Variants in CLDN2 observed in about 807,000 individuals in gnomAD.
CLDN2 encodes claudin-2.
Under a neutral mutation model 8.2 loss-of-function variants are expected in CLDN2, and 1 was observed. The ratio of observed to expected loss-of-function variants is 0.12; its 90% confidence interval spans 0.04 to 0.58. The LOEUF (loss-of-function observed/expected upper bound fraction) is 0.58, where lower values mean the gene tolerates loss of function less well. Ranked by LOEUF, CLDN2 falls within the 20% of genes least tolerant of loss-of-function variation. The probability of loss-of-function intolerance (pLI) is 0.90; values close to 1 mark genes in which losing one functional copy is unlikely to be tolerated. For synonymous variants in CLDN2, 70 were observed against 70.2 expected (o/e 1.00, Z 0.01); for missense variants, 108 against 172.9 (o/e 0.62, Z 2.11).
chrX:106,907,144 A>G (rs1933190201), intron 1 of CLDN2, among the ~76,000 whole-genome samples: 1 of 111,512 alleles, frequency 9.0e-6, no homozygotes, highest in East Asian at 2.8e-4. Flanking sequence ...TCTGGGTGGC[A>G]AAAGACACTA....
chrX:106,903,009 G>A (rs140960200), intron 1 of CLDN2: 1 of 697,169 alleles, frequency 1.4e-6, no homozygotes, highest in Non-Finnish European at 2.2e-6. Flanking sequence ...GAGGAGGGAG[G>A]GCTATGAGGC....
At chrX:106,920,902 G>A (rs1332925872) in intron 1 of CLDN2, among the ~76,000 whole-genome samples, 3 of 111,724 alleles carry the variant, frequency 2.7e-5, no homozygotes, top group East Asian at 2.8e-4. Flanking sequence ...AGTGGCAGAA[G>A]GGGCACTCCC....
intron 1 of CLDN2, among the ~76,000 whole-genome samples, chrX:106,908,948 A>G (rs1229930638): frequency 8.9e-6 from 1 of 111,794 alleles, no homozygotes; most frequent in South Asian, 3.7e-4. Flanking sequence ...AGTGCTGCTC[A>G]TGTCATTGTC....
At chrX:106,914,161 G>A (rs763203140), upstream of CLDN2, among the ~76,000 whole-genome samples, 2 of 109,082 alleles carry the variant, frequency 1.8e-5, no homozygotes, top group African/African-American at 3.3e-5. Context: ...ATGTTGCCCA[G>A]GGTAGTCTCA....
chrX:106,927,268 T>C (rs1933482476), intron 1 of CLDN2, among the ~76,000 whole-genome samples: 1 of 110,899 alleles, frequency 9.0e-6, no homozygotes, highest in Non-Finnish European at 1.9e-5. Context: ...CCCTATATTC[T>C]AGAGCAGTTT....
At chrX:106,916,693 T>C (rs959675687), upstream of CLDN2, among the ~76,000 whole-genome samples, 29 of 111,185 alleles carry the variant, frequency 2.6e-4, no homozygotes, top group Admixed American at 2.4e-3. Flanking sequence ...CTTAAACAAT[T>C]GGCTTTCTCA....
chrX:106,904,264 C>CA (rs1933150205), intron 1 of CLDN2, among the ~76,000 whole-genome samples: 1 of 113,174 alleles, frequency 8.8e-6, no homozygotes, highest in South Asian at 3.6e-4. Context: ...GAGGCCTGAG[C>CA]ACAGTCCTCG....
At chrX:106,907,321 C>G (rs1307264284) in intron 1 of CLDN2, among the ~76,000 whole-genome samples, 1 of 112,065 alleles carries the variant, frequency 8.9e-6, no homozygotes, top group Admixed American at 9.5e-5. Context: ...GTCCACAGAA[C>G]AGGCTGGTAT....
chrX:106,915,331 C>T (rs1185263549), upstream of CLDN2, among the ~76,000 whole-genome samples: 1 of 112,125 alleles, frequency 8.9e-6, no homozygotes, highest in Non-Finnish European at 1.9e-5. Context: ...GACCCATTGA[C>T]AGAATGTGCT....
chrX:106,903,438 G>T, intron 1 of CLDN2: 1 of 549,443 alleles, frequency 1.8e-6, no homozygotes, highest in Non-Finnish European at 2.7e-6. Context: ...GGGGGATAAA[G>T]ATTTAGGGAA....
At chrX:106,909,965 G>C (rs185460420) in intron 1 of CLDN2, among the ~76,000 whole-genome samples, 2 of 111,402 alleles carry the variant, frequency 1.8e-5, no homozygotes, top group East Asian at 5.7e-4. Context: ...AAGAAGGTGG[G>C]CAGGAGGGAG....
upstream of CLDN2, among the ~76,000 whole-genome samples, chrX:106,915,094 A>G (rs1933295498): frequency 8.9e-6 from 1 of 112,363 alleles, no homozygotes; most frequent in Non-Finnish European, 1.9e-5. Context: ...AGAATGTCAT[A>G]TAAATAGAAC....
intron 1 of CLDN2, chrX:106,901,581 T>C (rs375779868): frequency 8.7e-7 from 1 of 1,154,172 alleles, no homozygotes; most frequent in African/African-American, 1.8e-5. Context: ...AGTACATGGC[T>C]AGATAACTTC....
chrX:106,902,113 A>T, intron 1 of CLDN2: 1 of 1,160,181 alleles, frequency 8.6e-7, no homozygotes, highest in East Asian at 3.1e-5. Flanking sequence ...CTGCATGTGA[A>T]CACACGTCAC....
At chrX:106,916,907 G>A (rs1025626732), upstream of CLDN2, among the ~76,000 whole-genome samples, 19 of 111,644 alleles carry the variant, frequency 1.7e-4, no homozygotes, top group African/African-American at 5.9e-4. Flanking sequence ...AAAATTAGCT[G>A]GGCGTGGCGG....
At chrX:106,901,102 C>G (rs1933086138) in intron 1 of CLDN2, among the ~76,000 whole-genome samples, 1 of 112,185 alleles carries the variant, frequency 8.9e-6, no homozygotes, top group South Asian at 3.8e-4. Flanking sequence ...GAAGGTAAAC[C>G]CTTATGGACC....
chrX:106,908,363 G>A (rs773145658), intron 1 of CLDN2, among the ~76,000 whole-genome samples: 2 of 111,114 alleles, frequency 1.8e-5, no homozygotes, highest in South Asian at 3.8e-4. Context: ...GGCAGTTGAA[G>A]TCCTTTGACA....
chrX:106,900,719 A>G, intron 1 of CLDN2: 8 of 1,187,736 alleles, frequency 6.7e-6, no homozygotes, highest in Non-Finnish European at 6.8e-6. Context: ...GTACCCTCAC[A>G]CACCCTTCTG....
intron 1 of CLDN2, among the ~76,000 whole-genome samples, chrX:106,913,168 C>T (rs1454680302): frequency 2.7e-5 from 3 of 110,904 alleles, no homozygotes; most frequent in Non-Finnish European, 3.8e-5. Context: ...AATCTTGGCT[C>T]ACTGCAACCT....
Sources: gnomAD v4.1 joint callset for allele counts (sites outside exome capture counted in the v4.1 genomes callset) on GRCh38, gnomAD v4.1.1 for gene constraint, MANE v1.5 for transcripts, NCBI Gene and HGNC (gene_info 2026-07-23, HGNC 2026-07-21) for gene names.